SLC25A24: variants seen among roughly 807,000 people sequenced by gnomAD.
SLC25A24 encodes the protein solute carrier family 25 member 24.
SLC25A24 carries 49 observed loss-of-function variants against 60.7 expected under a neutral mutation model. The ratio of observed to expected loss-of-function variants is 0.81; its 90% confidence interval spans 0.64 to 1.02. The LOEUF (loss-of-function observed/expected upper bound fraction) is 1.02. SLC25A24 is among the 50% of genes least tolerant of loss of function. The pLI is 0.00. For missense variants in SLC25A24, 564 were observed against 586.3 expected (o/e 0.96, Z 0.39); for synonymous variants, 202 against 200.6 (o/e 1.01, Z -0.06).
intron 3 of SLC25A24, among the ~76,000 whole-genome samples, chr1:108,174,182 C>T (rs1647583944): frequency 6.6e-6 from 1 of 152,184 alleles, no homozygotes; most frequent in African/African-American, 2.4e-5. Flanking sequence ...AGGGCCCTCC[C>T]ATCATAGGCC....
At chr1:108,167,432 C>A (rs1035993886) in intron 3 of SLC25A24, among the ~76,000 whole-genome samples, 1 of 152,182 alleles carries the variant, frequency 6.6e-6, no homozygotes, top group Non-Finnish European at 1.5e-5. Context: ...GCTGTGCTAG[C>A]AATCAGCGAG....
intron 5 of SLC25A24, among the ~76,000 whole-genome samples, chr1:108,155,836 C>A (rs1679882216): frequency 2.0e-5 from 3 of 151,990 alleles, no homozygotes; most frequent in Admixed American, 1.3e-4. Flanking sequence ...AAATACTGTA[C>A]CTTATGACCA....
At chr1:108,147,743 T>C (rs140959539) in intron 7 of SLC25A24, among the ~76,000 whole-genome samples, 103 of 151,992 alleles carry the variant, frequency 6.8e-4, no homozygotes, top group African/African-American at 2.4e-3. Flanking sequence ...GCCTCTAAAG[T>C]GGCAGCCAGC....
intron 7 of SLC25A24, 71 bp downstream of exon 7, chr1:108,148,208 T>C: frequency 3.3e-6 from 3 of 918,442 alleles, no homozygotes; most frequent in South Asian, 1.3e-5. Flanking sequence ...AATTTTGGGA[T>C]AACTTGTTAG....
At position 108,134,308 on chromosome 1, in the gene SLC25A24, G is replaced by A. The variant is rs1017146057; in HGVS notation, c.*2345C>T. On this transcript the variant is annotated 3_prime_UTR_variant, in exon 10 of 10. Transcript: ENST00000565488. ...ACTGATAAGTTATTTCTGAAGTCTG[G>A]ATAGTATTGGAGTTGAAATGCAGAA... 4 of 152,188 alleles carry A rather than the reference G, an allele frequency of 2.6e-5. No individual in the cohort carries two copies. The highest frequency in any genetic ancestry group is 9.7e-5 in the African/African-American group (4 of 41,438). The allele number at this position is 152,188 out of a possible 1,614,324, so 9.4% of individuals were successfully genotyped here.
chr1:108,136,641 A>T lies in SLC25A24; in HGVS notation c.*12T>A. 6.2e-7 allele frequency: 1 copy of T among 1,607,520 alleles called. No homozygotes were observed. The highest frequency in any genetic ancestry group is 8.5e-7 in the Non-Finnish European group (1 of 1,175,464). On this transcript the variant is annotated 3_prime_UTR_variant, in exon 10 of 10. Transcript: ENST00000565488. The stretch of plus-strand genomic sequence containing the variant: ...AAGTTTCAATTATCAGGCTAAAGCA[A>T]AAAATGCAACATCATTTCTGGGTTA...
At chr1:108,166,025 A>ATTAC (rs1342169589) in intron 3 of SLC25A24, among the ~76,000 whole-genome samples, 1 of 151,998 alleles carries the variant, frequency 6.6e-6, no homozygotes, top group Non-Finnish European at 1.5e-5. Context: ...CTTGTCTGTA[A>ATTAC]AGGATTTTAT....
At chr1:108,141,654 T>C (rs1558006998) in intron 8 of SLC25A24, among the ~76,000 whole-genome samples, 1 of 152,156 alleles carries the variant, frequency 6.6e-6, no homozygotes. Context: ...ATGTGATATA[T>C]ATACCCAACA....
intron 1 of SLC25A24, among the ~76,000 whole-genome samples, chr1:108,189,743 T>C (rs570459766): frequency 6.1e-5 from 9 of 146,836 alleles, no homozygotes; most frequent in Admixed American, 2.1e-4. Context: ...TTGAACCCGG[T>C]AGACAGAGGT....
chr1:108,168,561 T>C (rs1300238062), intron 3 of SLC25A24, among the ~76,000 whole-genome samples: 3 of 152,240 alleles, frequency 2.0e-5, no homozygotes, highest in African/African-American at 2.4e-5. Context: ...TAAGATAGTC[T>C]TGCTGTGGGT....
At chr1:108,154,156 C>G (rs683016) in intron 6 of SLC25A24, among the ~76,000 whole-genome samples, 106,837 of 148,384 alleles carry the variant, frequency 0.72, 39,142 homozygotes, top group African/African-American at 0.86. Flanking sequence ...AGAGTATTCT[C>G]TTGCTCAAGA....
At chr1:108,182,101 T>C (rs1188284729) in intron 2 of SLC25A24, 73 bp from the exon 3 acceptor site, 1 of 1,032,584 alleles carries the variant, frequency 9.7e-7, no homozygotes, top group East Asian at 2.4e-5. Flanking sequence ...GAATTTCAAA[T>C]CTCTCATTTA....
At chr1:108,156,800 A>T (rs1313145276) in intron 5 of SLC25A24, among the ~76,000 whole-genome samples, 1 of 152,170 alleles carries the variant, frequency 6.6e-6, no homozygotes. Flanking sequence ...CAGCATGAGA[A>T]CCAGGAGCAC....
intron 1 of SLC25A24, among the ~76,000 whole-genome samples, chr1:108,188,354 C>T (rs1648221328): frequency 6.6e-6 from 1 of 152,048 alleles, no homozygotes; most frequent in Non-Finnish European, 1.5e-5. Flanking sequence ...CAAATGTGCA[C>T]ACACCCTCCA....
chr1:108,160,676 A>T (rs1464872787), intron 4 of SLC25A24, among the ~76,000 whole-genome samples: 1 of 152,242 alleles, frequency 6.6e-6, no homozygotes, highest in Non-Finnish European at 1.5e-5. Flanking sequence ...CACTGAGTGA[A>T]CGAGACTCCG....
At chr1:108,146,197 G>A (rs1002599225) in intron 7 of SLC25A24, among the ~76,000 whole-genome samples, 15 of 152,074 alleles carry the variant, frequency 9.9e-5, no homozygotes, top group African/African-American at 3.4e-4. Flanking sequence ...GAGTTCACTC[G>A]TGATTTGGCT....
At chr1:108,180,816 T>A (rs753293172) in intron 3 of SLC25A24, among the ~76,000 whole-genome samples, 1 of 152,212 alleles carries the variant, frequency 6.6e-6, no homozygotes, top group African/African-American at 2.4e-5. Flanking sequence ...GCATCCAGCC[T>A]ATGGTATTTT....
chr1:108,178,812 CAA>C (rs377621332), intron 3 of SLC25A24, among the ~76,000 whole-genome samples: 1 of 135,486 alleles, frequency 7.4e-6, no homozygotes. Flanking sequence ...GACTCCGTCT[CAA>C]AAAAAAAAAC....
In SLC25A24 at chr1:108,148,973, G is replaced by A. The variant is rs1392768290; in HGVS notation, c.823-587C>T. The stretch of plus-strand genomic sequence containing the variant: ...TCAAGTCAGATTTCCACAAAACACA[G>A]ATGTCTCCCAGATTGGACCAAGTTG... On this transcript the variant is annotated intron_variant, in intron 6 of 9. Coordinates refer to ENST00000565488, the MANE Select transcript of SLC25A24 (RefSeq NM_013386.5). 3.9e-5 allele frequency among the ~76,000 whole-genome samples: 6 copies of A among 152,288 alleles called. No individual in the cohort carries two copies. The East Asian group carries it at 9.6e-4, about 24-fold the overall frequency.
Sources: allele counts gnomAD v4.1 joint callset (sites outside exome capture counted in the v4.1 genomes callset), GRCh38; gene constraint gnomAD v4.1.1; transcripts MANE v1.5; gene names NCBI Gene and HGNC (gene_info 2026-07-23, HGNC 2026-07-21).